Variants in ZNF280D observed in about 807,000 individuals in gnomAD.
ZNF280D encodes the protein suppressor of hairy wing homolog 4.
Under a neutral mutation model 94.7 loss-of-function variants are expected in ZNF280D, and 39 were observed. The observed-to-expected ratio is 0.41, with a 90% CI of 0.32 to 0.54. ZNF280D has a LOEUF of 0.54. Ranked by LOEUF, ZNF280D falls within the 20% of genes least tolerant of loss-of-function variation. The probability of loss-of-function intolerance (pLI) is 0.22; values close to 1 mark genes in which losing one functional copy is unlikely to be tolerated. For synonymous variants in ZNF280D, 398 were observed against 377.6 expected (o/e 1.05, Z -0.63); for missense variants, 1,090 against 1,149.3 (o/e 0.95, Z 0.75).
At chr15:56,705,571 C>G (rs1382949256) in intron 3 of ZNF280D, among the ~76,000 whole-genome samples, 1 of 152,134 alleles carries the variant, frequency 6.6e-6, no homozygotes, top group African/African-American at 2.4e-5. Context: ...TACATAGATT[C>G]AAGAAAATGC....
At chr15:56,706,403 A>G (rs527558588) in intron 3 of ZNF280D, among the ~76,000 whole-genome samples, 1 of 151,920 alleles carries the variant, frequency 6.6e-6, no homozygotes, top group African/African-American at 2.4e-5. Flanking sequence ...ACTTGAGCCC[A>G]GGAAGAGGAG....
At chr15:56,651,182 G>C (rs1435807452) in intron 19 of ZNF280D, among the ~76,000 whole-genome samples, 3 of 152,140 alleles carry the variant, frequency 2.0e-5, no homozygotes, top group Non-Finnish European at 4.4e-5. Flanking sequence ...AAAGTGTTTT[G>C]CCAAAATGTG....
intron 12 of ZNF280D, 44 bp downstream of exon 12, chr15:56,677,529 AC>A: frequency 1.4e-6 from 2 of 1,422,602 alleles, no homozygotes; most frequent in Non-Finnish European, 2.0e-6. Flanking sequence ...AACCAAAACA[AC>A]AAACAAACCA....
intron 3 of ZNF280D, among the ~76,000 whole-genome samples, chr15:56,706,572 A>T (rs1242489740): frequency 2.6e-5 from 4 of 152,112 alleles, no homozygotes; most frequent in Non-Finnish European, 5.9e-5. Context: ...CCCCAGAAGA[A>T]ATCAATCCTA....
chr15:56,659,793 C>G (rs1472597087), intron 16 of ZNF280D, among the ~76,000 whole-genome samples: 1 of 151,560 alleles, frequency 6.6e-6, no homozygotes, highest in Non-Finnish European at 1.5e-5. Context: ...TTCAGTGATT[C>G]ACACACACGC....
rs1160708410 is a variant in ZNF280D, at chr15:56,631,535, G to T, written c.2903C>A (p.Ala968Glu). ...TTTTTCGTCTTCCAGGTCTACTGTT[G>T]CCTCTGTTGTGCTAGGGTTATTTCC... Reference protein sequence around the residue: ...PGGNNPSTTEATVDLEDEKER... With the variant: ...PGGNNPSTTEETVDLEDEKER... The change falls in exon 22 of 22, where the codon GCA becomes GAA. Residue 968 changes from alanine (A) to glutamate (E), a missense_variant. This residue lies in a region of ZNF280D where 577 missense variants were observed against 568.8 expected (regional missense o/e 1.01). Transcript: ENST00000267807. 2 of 1,613,604 alleles carry T rather than the reference G, an allele frequency of 1.2e-6. No homozygotes were observed. Among genetic ancestry groups the T allele is most frequent in the Non-Finnish European group, 8.5e-7 (1 of 1,179,648 alleles).
At chr15:56,685,399 T>C (rs1166501379) in intron 9 of ZNF280D, among the ~76,000 whole-genome samples, 1 of 149,128 alleles carries the variant, frequency 6.7e-6, no homozygotes, top group East Asian at 1.9e-4. Context: ...GCCCTGACAA[T>C]GGAAAAACAA....
intron 4 of ZNF280D, among the ~76,000 whole-genome samples, chr15:56,702,292 T>A (rs1488598955): frequency 6.6e-6 from 1 of 152,208 alleles, no homozygotes; most frequent in East Asian, 1.9e-4. Flanking sequence ...GAGCTATTGC[T>A]GTAGTACTAT....
intron 16 of ZNF280D, among the ~76,000 whole-genome samples, chr15:56,660,146 A>G (rs1167341738): frequency 6.6e-6 from 1 of 152,160 alleles, no homozygotes; most frequent in Non-Finnish European, 1.5e-5. Context: ...CTGAAATTAT[A>G]TGCAAAAACT....
intron 7 of ZNF280D, among the ~76,000 whole-genome samples, chr15:56,690,417 G>T (rs973671625): frequency 1.3e-5 from 2 of 152,038 alleles, no homozygotes; most frequent in African/African-American, 2.4e-5. Flanking sequence ...CATAATGGAA[G>T]TAGTGAGTAT....
At chr15:56,706,629 A>G (rs1019605078) in intron 3 of ZNF280D, among the ~76,000 whole-genome samples, 2 of 152,124 alleles carry the variant, frequency 1.3e-5, no homozygotes, top group Non-Finnish European at 2.9e-5. Flanking sequence ...TATGAGAAAA[A>G]TGTCCATTGT....
chr15:56,676,640 A>C, intron 13 of ZNF280D, 30 bp downstream of exon 13: 2 of 1,562,224 alleles, frequency 1.3e-6, no homozygotes, highest in South Asian at 2.5e-5. Context: ...AAGACAACAT[A>C]ATAAACAAAT....
chr15:56,712,800 G>A (rs1482341300), intron 1 of ZNF280D, among the ~76,000 whole-genome samples: 1 of 149,200 alleles, frequency 6.7e-6, no homozygotes, highest in Admixed American at 6.7e-5. Flanking sequence ...GAGAGCAGTG[G>A]CACCATCTCA....
At chr15:56,659,251 C>A (rs931058863) in intron 16 of ZNF280D, among the ~76,000 whole-genome samples, 2 of 146,940 alleles carry the variant, frequency 1.4e-5, no homozygotes, top group Non-Finnish European at 3.0e-5. Flanking sequence ...AGAAAACTAA[C>A]CCAATTTTGT....
chr15:56,642,358 C>T (rs952739774), intron 20 of ZNF280D, among the ~76,000 whole-genome samples: 1 of 151,684 alleles, frequency 6.6e-6, no homozygotes, highest in Non-Finnish European at 1.5e-5. Context: ...ATCTACCTCA[C>T]TTCATTACAC....
chr15:56,701,176 G>A lies in ZNF280D; in HGVS notation c.238C>T (p.Arg80Ter), dbSNP rs1325398050. ...AAATAGTATAATAATACTGTACCTC[G>A]ACTGAGTGCACCATTCTTTAGTCCC... Reference protein sequence around the residue: ...SRGLKNGALSRGITAAFKPTS... With the variant: ...SRGLKNGALS Residue 80 changes from arginine (R) to a stop codon, truncating the protein, a stop_gained, in exon 5 of 22, where the codon CGA becomes TGA. Transcript: ENST00000267807. LOFTEE classifies it high-confidence loss of function. 6.3e-7 allele frequency: 1 copy of A among 1,594,342 alleles called. No individual in the cohort carries two copies. Among genetic ancestry groups the A allele is most frequent in the East Asian group, 2.3e-5 (1 of 42,618 alleles).
intron 19 of ZNF280D, chr15:56,652,845 A>T (rs1368187177): frequency 1.0e-6 from 1 of 984,216 alleles, no homozygotes; most frequent in African/African-American, 1.7e-5. Flanking sequence ...GTAACAGCCA[A>T]ATTTAAAATC....
intron 10 of ZNF280D, among the ~76,000 whole-genome samples, chr15:56,681,235 T>C (rs1415634711): frequency 2.0e-5 from 3 of 152,150 alleles, no homozygotes; most frequent in South Asian, 2.1e-4. Flanking sequence ...GGAAAACAAA[T>C]AAATGCTGAA....
intron 1 of ZNF280D, among the ~76,000 whole-genome samples, chr15:56,718,502 C>A (rs1201259484): frequency 3.3e-5 from 5 of 152,122 alleles, no homozygotes; most frequent in Non-Finnish European, 7.4e-5. Flanking sequence ...ATGCAAAATT[C>A]TTTTAATATA....
Sources: gnomAD v4.1 joint callset for allele counts (sites outside exome capture counted in the v4.1 genomes callset) on GRCh38, gnomAD v4.1.1 for gene constraint, gnomAD v4.1.1 regional missense constraint, MANE v1.5 for transcripts, NCBI Gene and HGNC (gene_info 2026-07-23, HGNC 2026-07-21) for gene names.